Variants in FKBP5 observed in about 807,000 individuals in gnomAD.
The protein encoded by FKBP5 is peptidyl-prolyl cis-trans isomerase FKBP5.
A neutral mutation model predicts 50.5 loss-of-function variants in FKBP5; 23 were observed. The ratio of observed to expected loss-of-function variants is 0.46; its 90% confidence interval spans 0.33 to 0.65. FKBP5 has a LOEUF of 0.65. Ranked by LOEUF, FKBP5 falls within the 30% of genes least tolerant of loss-of-function variation. The probability of loss-of-function intolerance (pLI) is 0.02; values close to 1 mark genes in which losing one functional copy is unlikely to be tolerated. For synonymous variants in FKBP5, 176 were observed against 190.6 expected (o/e 0.92, Z 0.63); for missense variants, 411 against 553.1 (o/e 0.74, Z 2.58).
intron 6 of FKBP5, among the ~76,000 whole-genome samples, chr6:35,595,201 G>A (rs1159225081): frequency 6.6e-6 from 1 of 152,156 alleles, no homozygotes; most frequent in Non-Finnish European, 1.5e-5. Context: ...AATCTGTAAA[G>A]AACTGTTTGC....
chr6:35,583,829 A>T, intron 8 of FKBP5: 1 of 985,440 alleles, frequency 1.0e-6, no homozygotes. Context: ...TTAAAACATC[A>T]AATCCTAGAG....
intron 5 of FKBP5, among the ~76,000 whole-genome samples, chr6:35,613,144 T>C (rs1763541337): frequency 6.6e-6 from 1 of 152,204 alleles, no homozygotes; most frequent in African/African-American, 2.4e-5. Flanking sequence ...AACAACATAT[T>C]GTAATGGGTG....
At chr6:35,654,499 T>C (rs973628331) in intron 1 of FKBP5, among the ~76,000 whole-genome samples, 1 of 152,194 alleles carries the variant, frequency 6.6e-6, no homozygotes, top group African/African-American at 2.4e-5. Flanking sequence ...ATTCCCCTCA[T>C]TGTCTTTTAA....
intron 3 of FKBP5, among the ~76,000 whole-genome samples, chr6:35,631,938 C>G (rs144017200): frequency 0.018 from 2,315 of 126,062 alleles, 51 homozygotes; most frequent in African/African-American, 0.062. Flanking sequence ...CTGGGCGACA[C>G]AGCAAGACTC....
intron 5 of FKBP5, among the ~76,000 whole-genome samples, chr6:35,617,909 G>C (rs1763710665): frequency 6.6e-6 from 1 of 152,162 alleles, no homozygotes; most frequent in East Asian, 1.9e-4. Flanking sequence ...TGAAGAAACG[G>C]AATAGCTTCA....
intron 1 of FKBP5, among the ~76,000 whole-genome samples, chr6:35,720,772 G>A (rs2151024544): frequency 6.6e-6 from 1 of 152,180 alleles, no homozygotes; most frequent in African/African-American, 2.4e-5. Flanking sequence ...TCCTGCAGTT[G>A]GCCTCCATTT....
At chr6:35,669,597 A>G (rs1765328533) in intron 1 of FKBP5, among the ~76,000 whole-genome samples, 1 of 152,204 alleles carries the variant, frequency 6.6e-6, no homozygotes, top group African/African-American at 2.4e-5. Context: ...CAATACATAA[A>G]CACACCCCAG....
intron 3 of FKBP5, 110 bp from the exon 4 acceptor site, chr6:35,620,384 G>C: frequency 2.8e-6 from 3 of 1,079,384 alleles, no homozygotes; most frequent in Non-Finnish European, 4.0e-6. Flanking sequence ...TACTCAGCTA[G>C]AAAGTATGGG....
At chr6:35,590,167 C>T (rs993884120) in intron 7 of FKBP5, among the ~76,000 whole-genome samples, 4 of 152,002 alleles carry the variant, frequency 2.6e-5, no homozygotes, top group Non-Finnish European at 4.4e-5. Context: ...GGTGTGGTAG[C>T]GTGTGCCTGT....
chr6:35,631,870 G>A (rs1382416987), intron 3 of FKBP5, among the ~76,000 whole-genome samples: 3 of 149,536 alleles, frequency 2.0e-5, no homozygotes, highest in Admixed American at 6.7e-5. Context: ...CAAGAGAATC[G>A]CTTGAATCCG....
At chr6:35,721,463 C>T (rs1766609347) in intron 1 of FKBP5, among the ~76,000 whole-genome samples, 2 of 147,010 alleles carry the variant, frequency 1.4e-5, no homozygotes. Context: ...AAAATAGTGG[C>T]TTTTTTTTTT....
chr6:35,723,181 T>C (rs1245573506), intron 1 of FKBP5, among the ~76,000 whole-genome samples: 4 of 151,878 alleles, frequency 2.6e-5, no homozygotes, highest in African/African-American at 9.7e-5. Flanking sequence ...TGCAGTGAGC[T>C]GAGATCACAC....
At chr6:35,690,145 G>A (rs182971899), upstream of FKBP5, among the ~76,000 whole-genome samples, 19 of 152,232 alleles carry the variant, frequency 1.2e-4, no homozygotes, top group African/African-American at 3.6e-4. Context: ...GAAGAGCCTC[G>A]TCCAGAAATC....
intron 8 of FKBP5, chr6:35,581,223 A>C (rs1412270265): frequency 1.0e-6 from 1 of 959,174 alleles, no homozygotes; most frequent in African/African-American, 1.8e-5. Context: ...AACAATATAC[A>C]TCAGAAAGGT....
chr6:35,630,115 A>G (rs1450625369), intron 3 of FKBP5, among the ~76,000 whole-genome samples: 1 of 151,652 alleles, frequency 6.6e-6, no homozygotes, highest in Non-Finnish European at 1.5e-5. Context: ...CAGCCCCAAT[A>G]ACAGAGCAAG....
intron 2 of FKBP5, among the ~76,000 whole-genome samples, chr6:35,704,315 G>A (rs1210702665): frequency 1.3e-5 from 2 of 152,182 alleles, no homozygotes; most frequent in African/African-American, 4.8e-5. Flanking sequence ...TGGTTTCCAG[G>A]ATGACCACTG....
chr6:35,720,455 G>C (rs887495558), exon 2 of FKBP5: 2 of 152,406 alleles, frequency 1.3e-5, no homozygotes, highest in Non-Finnish European at 2.9e-5. Context: ...GGGGATTGTC[G>C]CTTCGTAGTC....
rs1765102623 is a variant in FKBP5, at chr6:35,662,570, C to T, written c.-19-19727G>A. 2.0e-5 allele frequency among the ~76,000 whole-genome samples: 3 copies of T among 152,176 alleles called. No individual in the cohort carries two copies. In the South Asian group the frequency reaches 6.2e-4, roughly 32 times the overall value. ...AAGTGCTGGGATTACAGATGTGAGC[C>T]ATCACGCCTGGCTGTGTCCAAATAT... is the stretch of plus-strand genomic sequence containing the variant. On this transcript the variant is annotated intron_variant, in intron 1 of 10. Coordinates refer to ENST00000357266, the MANE Select transcript of FKBP5 (RefSeq NM_004117.4).
chr6:35,579,936 T>C lies in FKBP5; in HGVS notation c.1026+100A>G, dbSNP rs143575741. On this transcript the variant is annotated intron_variant, in intron 9 of 10. Coordinates refer to ENST00000357266, the MANE Select transcript of FKBP5 (RefSeq NM_004117.4). ...TTCAAATAAATAAAAAAAAGCAAAA[T>C]GAAAAATCCTGCAACCTTTGGCTGA... 878 of 906,242 alleles carry C rather than the reference T, an allele frequency of 9.7e-4. 5 individuals carry two copies. The African/African-American group carries it at 0.013, about 13-fold the overall frequency. 56.1% of individuals were successfully genotyped at this position (906,242 alleles called of 1,614,324 possible). A position where few individuals can be genotyped will look rare whatever the true frequency, so the allele number is the denominator to read the frequency against.
Sources: allele counts gnomAD v4.1 joint callset (sites outside exome capture counted in the v4.1 genomes callset), GRCh38; gene constraint gnomAD v4.1.1; transcripts MANE v1.5; gene names NCBI Gene and HGNC (gene_info 2026-07-23, HGNC 2026-07-21).